Variants in CDH8 observed in about 807,000 individuals in gnomAD.
CDH8 encodes cadherin-8.
Under a neutral mutation model 68.1 loss-of-function variants are expected in CDH8, and 17 were observed. That is an observed-to-expected ratio of 0.25 (90% confidence interval 0.17 to 0.37). The LOEUF (loss-of-function observed/expected upper bound fraction) is 0.37. Ranked by LOEUF, CDH8 falls within the 10% of genes least tolerant of loss-of-function variation. The pLI is 1.00. For missense variants in CDH8, 763 were observed against 999.3 expected (o/e 0.76, Z 3.19); for synonymous variants, 372 against 365.1 (o/e 1.02, Z -0.21).
chr16:61,748,255 A>C (rs1377864850), intron 8 of CDH8, among the ~76,000 whole-genome samples: 1 of 151,988 alleles, frequency 6.6e-6, no homozygotes, highest in Admixed American at 6.6e-5. Flanking sequence ...TTAAGATTAC[A>C]TGCTGTTTAT....
At chr16:61,747,216 T>C (rs1301184956) in intron 8 of CDH8, among the ~76,000 whole-genome samples, 1 of 152,064 alleles carries the variant, frequency 6.6e-6, no homozygotes. Context: ...TGTAATAAGA[T>C]TGTAAAAGAT....
intron 2 of CDH8, among the ~76,000 whole-genome samples, chr16:61,991,930 G>C (rs1965728255): frequency 6.6e-6 from 1 of 152,088 alleles, no homozygotes; most frequent in African/African-American, 2.4e-5. Context: ...GAAGCAAGTT[G>C]CTCTGATCAG....
chr16:61,900,695 T>G (rs11075445), intron 3 of CDH8, among the ~76,000 whole-genome samples: 81,452 of 152,004 alleles, frequency 0.54, 24,073 homozygotes, highest in African/African-American at 0.8. Flanking sequence ...CTTGGTAATG[T>G]CGATTGCCTA....
intron 2 of CDH8, among the ~76,000 whole-genome samples, chr16:61,997,634 G>T (rs1413002549): frequency 1.3e-5 from 2 of 152,148 alleles, no homozygotes; most frequent in African/African-American, 4.8e-5. Context: ...TAGTAGCTTT[G>T]CAGAAGAAAG....
intron 8 of CDH8, among the ~76,000 whole-genome samples, chr16:61,742,803 A>T (rs1318047803): frequency 1.3e-5 from 2 of 152,182 alleles, no homozygotes; most frequent in African/African-American, 4.8e-5. Context: ...CATTAAGATT[A>T]CACTGACTTT....
intron 4 of CDH8, among the ~76,000 whole-genome samples, chr16:61,846,840 T>C (rs1962816394): frequency 6.6e-6 from 1 of 151,986 alleles, no homozygotes; most frequent in South Asian, 2.1e-4. Flanking sequence ...CTGTAATAAA[T>C]GAGAAGTCAC....
intron 4 of CDH8, among the ~76,000 whole-genome samples, chr16:61,831,034 GC>G (rs1230857750): frequency 6.6e-6 from 1 of 151,772 alleles, no homozygotes; most frequent in Non-Finnish European, 1.5e-5. Flanking sequence ...AAAGTGGGGG[GC>G]TGTAACATTT....
At chr16:61,901,623 G>A (rs935215919) in intron 2 of CDH8, 150 bp from the exon 3 acceptor site, 47 of 601,746 alleles carry the variant, frequency 7.8e-5, no homozygotes, top group South Asian at 2.2e-4. Flanking sequence ...GCAGCTGTGC[G>A]GATATCAATT....
At chr16:61,707,758 CA>C (rs956708754) in intron 10 of CDH8, among the ~76,000 whole-genome samples, 6 of 150,180 alleles carry the variant, frequency 4.0e-5, no homozygotes, top group African/African-American at 7.3e-5. Context: ...TATCTTTTTT[CA>C]AAAAAAAAGA....
At chr16:61,992,610 G>A (rs188097089) in intron 2 of CDH8, among the ~76,000 whole-genome samples, 4 of 150,298 alleles carry the variant, frequency 2.7e-5, no homozygotes, top group Non-Finnish European at 5.9e-5. Flanking sequence ...AAGAAAATGT[G>A]GTTCAGAGAA....
Position 61,901,362 on chromosome 16 carries a change from T to C in CDH8, c.364A>G (p.Lys122Glu), listed in dbSNP as rs758442236. Reference sequence around the variant, plus strand: ...GCCTTTTCCTCCCGGTCAAGTCTTTTTATAGCATGGATATCTCCAGTTACA... The same window carrying C: ...GCCTTTTCCTCCCGGTCAAGTCTTTCTATAGCATGGATATCTCCAGTTACA... ...NDVTGDIHAI[K>E]RLDREEKAEY... Residue 122 changes from lysine (K) to glutamate (E), a missense_variant, in exon 3 of 12, where the codon AAA becomes GAA. Around this residue, in one of 2 missense-constraint regions of CDH8, gnomAD observed 366 missense variants for 563.1 expected, o/e 0.65. Transcript: ENST00000577390. 1 of 1,614,034 alleles carries C rather than the reference T, an allele frequency of 6.2e-7. No individual in the cohort carries two copies. The highest frequency in any genetic ancestry group is 8.5e-7 in the Non-Finnish European group (1 of 1,179,954).
intron 1 of CDH8, among the ~76,000 whole-genome samples, chr16:62,027,027 T>C (rs139818661): frequency 5.3e-5 from 8 of 152,310 alleles, no homozygotes; most frequent in Admixed American, 5.2e-4. Flanking sequence ...AGAAATCAAT[T>C]TATTTTTACA....
At chr16:61,879,193 A>G (rs1963522744) in intron 3 of CDH8, among the ~76,000 whole-genome samples, 1 of 152,350 alleles carries the variant, frequency 6.6e-6, no homozygotes, top group Non-Finnish European at 1.5e-5. Context: ...ACAATTTAAA[A>G]AAAATTTACT....
chr16:61,726,678 G>A (rs992294912), intron 9 of CDH8: 3 of 234,890 alleles, frequency 1.3e-5, no homozygotes, highest in Admixed American at 5.6e-5. Context: ...ATAAACCACT[G>A]GCCTTCTTGG....
chr16:61,822,149 T>C (rs1962227945), intron 5 of CDH8, among the ~76,000 whole-genome samples: 1 of 149,112 alleles, frequency 6.7e-6, no homozygotes, highest in African/African-American at 2.5e-5. Flanking sequence ...GTCCAGAGTT[T>C]CTCCAATAAG....
At chr16:61,782,866 G>A (rs1445935585) in intron 8 of CDH8, among the ~76,000 whole-genome samples, 1 of 152,138 alleles carries the variant, frequency 6.6e-6, no homozygotes, top group Non-Finnish European at 1.5e-5. Context: ...CAACAGACCT[G>A]CAGCTGAGGG....
chr16:61,928,597 A>T (rs1184656576), intron 2 of CDH8, among the ~76,000 whole-genome samples: 1 of 152,174 alleles, frequency 6.6e-6, no homozygotes, highest in African/African-American at 2.4e-5. Context: ...AACAGTGGCC[A>T]CTGTACTAAT....
chr16:61,748,480 A>C (rs1339322833), intron 8 of CDH8, among the ~76,000 whole-genome samples: 5 of 152,036 alleles, frequency 3.3e-5, no homozygotes, highest in African/African-American at 1.2e-4. Flanking sequence ...AAAACAAATA[A>C]ACAGAGTAAA....
intron 4 of CDH8, among the ~76,000 whole-genome samples, chr16:61,841,774 A>T (rs995525445): frequency 1.3e-5 from 2 of 152,160 alleles, no homozygotes; most frequent in Non-Finnish European, 2.9e-5. Context: ...CACCTCATAT[A>T]CCCAATAAAT....
Sources: allele counts gnomAD v4.1 joint callset (sites outside exome capture counted in the v4.1 genomes callset), GRCh38; gene constraint gnomAD v4.1.1; regional missense constraint gnomAD v4.1.1; transcripts MANE v1.5; gene names NCBI Gene and HGNC (gene_info 2026-07-23, HGNC 2026-07-21).